Variants in VDAC2 observed in about 807,000 individuals in gnomAD.
VDAC2 encodes the protein voltage dependent anion channel 2.
Under a neutral mutation model 36.6 loss-of-function variants are expected in VDAC2, and 6 were observed. The ratio of observed to expected loss-of-function variants is 0.16; its 90% CI spans 0.09 to 0.32. VDAC2 has a LOEUF of 0.32. VDAC2 is among the 10% of genes least tolerant of loss of function. VDAC2 has a pLI of 1.00. For synonymous variants in VDAC2, 109 were observed against 123.8 expected (o/e 0.88, Z 0.79); for missense variants, 247 against 346.0 (o/e 0.71, Z 2.27).
rs370436204 is a variant in VDAC2 at position 75,222,280 on chromosome 10, A to G, written c.613A>G (p.Ile205Val). The G allele has an allele frequency of 2.1e-5, 34 of 1,613,894 alleles. No individual in the cohort carries two copies. Among genetic ancestry groups the G allele is most frequent in the African/African-American group, 9.3e-5 (7 of 74,922 alleles). ...TGATGGGACAGAATTTGGAGGATCAATTTATCAGAAAGTTTGTGAAGATCT... is the reference window on the plus strand; with the variant it reads ...TGATGGGACAGAATTTGGAGGATCAGTTTATCAGAAAGTTTGTGAAGATCT... Reference protein sequence around the residue: ...VNDGTEFGGSIYQKVCEDLDT... With the variant: ...VNDGTEFGGSVYQKVCEDLDT... Residue 205 changes from isoleucine (I) to valine (V), a missense_variant, in exon 8 of 10, where the codon ATT (isoleucine) becomes GTT (valine). By Grantham distance (29) the Ile-to-Val change is conservative. This residue lies in a region of VDAC2 where 159 missense variants were observed against 234.0 expected (regional missense o/e 0.68). Coordinates refer to ENST00000332211, the MANE Select transcript of VDAC2 (RefSeq NM_001391963.1).
intron 7 of VDAC2, among the ~76,000 whole-genome samples, chr10:75,221,669 T>C (rs1173507673): frequency 2.6e-5 from 4 of 152,192 alleles, no homozygotes; most frequent in Non-Finnish European, 5.9e-5. Flanking sequence ...AGATGGGGTC[T>C]TGCTATGTTG....
intron 8 of VDAC2, among the ~76,000 whole-genome samples, chr10:75,224,994 A>AT (rs972364211): frequency 1.2e-4 from 18 of 152,156 alleles, no homozygotes; most frequent in African/African-American, 3.9e-4. Context: ...AACGAAACTG[A>AT]TTTTTTTTGT....
At chr10:75,224,909 A>G (rs1841910758) in intron 8 of VDAC2, among the ~76,000 whole-genome samples, 1 of 152,232 alleles carries the variant, frequency 6.6e-6, no homozygotes, top group East Asian at 1.9e-4. Context: ...TAATCAAGAT[A>G]AAGGCTGACA....
At chr10:75,211,073 G>T (rs77230810) in intron 1 of VDAC2, 61 bp from the exon 2 acceptor site, 85,759 of 1,478,938 alleles carry the variant, frequency 0.058, 3,346 homozygotes, top group African/African-American at 0.18. Context: ...GCCCCTCTCT[G>T]CCCGGGATCT....
At chr10:75,224,720 G>A (rs1387640724) in intron 8 of VDAC2, among the ~76,000 whole-genome samples, 1 of 152,150 alleles carries the variant, frequency 6.6e-6, no homozygotes, top group African/African-American at 2.4e-5. Context: ...CCAAGCTCAG[G>A]TTTCATTTGG....
chr10:75,227,063 AC>A (rs1395656296), intron 8 of VDAC2, among the ~76,000 whole-genome samples: 1 of 152,114 alleles, frequency 6.6e-6, no homozygotes, highest in East Asian at 1.9e-4. Context: ...AGGGTGGGGC[AC>A]CCCAGCTCCA....
At position 75,231,312 on chromosome 10, in the gene VDAC2, G is replaced by GA. The variant is rs1276538539; in HGVS notation, c.*327dup. 2.0e-4 allele frequency: 38 copies of GA among 188,300 alleles called. No individual in the cohort carries two copies. Among genetic ancestry groups the GA allele is most frequent in the Non-Finnish European group, 3.4e-4 (31 of 90,088 alleles). 11.7% of individuals were successfully genotyped at this position (188,300 alleles called of 1,614,324 possible). A position where few individuals can be genotyped will look rare whatever the true frequency, so the allele number is the denominator to read the frequency against. ...GCATGTTTGTTTTTATGTTCCTTTAGAAAACATTGACTGTTACCATTGAAT... is the reference window on the plus strand; with the variant it reads ...GCATGTTTGTTTTTATGTTCCTTTAGAAAAACATTGACTGTTACCATTGAAT... On this transcript the variant is annotated 3_prime_UTR_variant, in exon 10 of 10. Transcript: ENST00000332211.
At chr10:75,217,705 G>A (rs943889497) in intron 4 of VDAC2, among the ~76,000 whole-genome samples, 1 of 152,158 alleles carries the variant, frequency 6.6e-6, no homozygotes, top group East Asian at 1.9e-4. Context: ...TATAGGTATT[G>A]AGGGCTATGC....
intron 8 of VDAC2, among the ~76,000 whole-genome samples, chr10:75,224,443 A>G (rs901982214): frequency 1.3e-5 from 2 of 152,118 alleles, no homozygotes; most frequent in African/African-American, 4.8e-5. Flanking sequence ...AAGAAAAAGG[A>G]TAAATGGATG....
At position 75,230,880 on chromosome 10, in the gene VDAC2, G is replaced by GT. The variant is rs758452374; in HGVS notation, c.794-11dup. The GT allele has an allele frequency of 3.9e-5, 62 of 1,606,314 alleles. No individual in the cohort carries two copies. Among genetic ancestry groups the GT allele is most frequent in the Non-Finnish European group, 4.6e-5 (54 of 1,176,482 alleles). On this transcript the variant is annotated splice_polypyrimidine_tract_variant and intron_variant, in intron 9 of 9. Transcript: ENST00000332211. Reference sequence around the variant, plus strand: ...GTACATCACGGTTTTTTGTTTTTGTGTTTTTTTGTCTTAATAGGTGTGAAG... The same window carrying GT: ...GTACATCACGGTTTTTTGTTTTTGTGTTTTTTTTGTCTTAATAGGTGTGAAG...
At chr10:75,218,227 C>T (rs1841666485) in intron 4 of VDAC2, 1 of 224,344 alleles carries the variant, frequency 4.5e-6, no homozygotes, top group Non-Finnish European at 9.2e-6. Flanking sequence ...GGGATTATGG[C>T]TCACTGCAGC....
chr10:75,225,169 TCTCA>T (rs1367114215), intron 8 of VDAC2, among the ~76,000 whole-genome samples: 2 of 152,172 alleles, frequency 1.3e-5, no homozygotes, highest in Non-Finnish European at 2.9e-5. Context: ...AGGAACTGGA[TCTCA>T]CTATCAGCTG....
At chr10:75,230,684 T>C (rs1470789068) in intron 9 of VDAC2, among the ~76,000 whole-genome samples, 1 of 152,220 alleles carries the variant, frequency 6.6e-6, no homozygotes, top group Non-Finnish European at 1.5e-5. Context: ...AAAACATTTC[T>C]CTGTGACTTG....
chr10:75,217,701 T>A (rs1841649468), intron 4 of VDAC2, among the ~76,000 whole-genome samples: 1 of 152,088 alleles, frequency 6.6e-6, no homozygotes, highest in Non-Finnish European at 1.5e-5. Flanking sequence ...TTAGTATAGG[T>A]ATTGAGGGCT....
intron 1 of VDAC2, 69 bp downstream of exon 1, chr10:75,211,007 C>G (rs1232803395): frequency 3.4e-6 from 3 of 879,984 alleles, no homozygotes; most frequent in East Asian, 3.2e-5. Flanking sequence ...AGGCCCGCGC[C>G]GGACTCGGAG....
At chr10:75,212,025 C>T (rs1352958926) in intron 2 of VDAC2, among the ~76,000 whole-genome samples, 8 of 152,232 alleles carry the variant, frequency 5.3e-5, no homozygotes, top group African/African-American at 1.9e-4. Context: ...TTTGTATAAT[C>T]ATGGTTATCT....
In VDAC2 at chr10:75,215,914, GT is replaced by G. The variant is rs1201020261; in HGVS notation, c.150+1848del. ...TTTTTGTATTTTTAGTAGAAACAGGGTTTTGCCATGTTGGCCAGTCTGGTCT... is the reference window on the plus strand; with the variant it reads ...TTTTTGTATTTTTAGTAGAAACAGGGTTTGCCATGTTGGCCAGTCTGGTCT... On this transcript the variant is annotated intron_variant, in intron 4 of 9. Coordinates refer to ENST00000332211, the MANE Select transcript of VDAC2 (RefSeq NM_001391963.1). Among the ~76,000 whole-genome samples, 10 of 151,822 alleles carry G rather than the reference GT, an allele frequency of 6.6e-5. No homozygotes were observed. In the East Asian group the frequency reaches 1.9e-3, roughly 29 times the overall value.
intron 8 of VDAC2, among the ~76,000 whole-genome samples, chr10:75,224,399 C>G (rs1282279305): frequency 6.6e-6 from 1 of 151,998 alleles, no homozygotes; most frequent in Non-Finnish European, 1.5e-5. Flanking sequence ...TAGAGTGGCT[C>G]TAGCTAGAGT....
intron 1 of VDAC2, 58 bp from the exon 2 acceptor site, chr10:75,211,076 C>G: frequency 6.7e-7 from 1 of 1,487,896 alleles, no homozygotes; most frequent in Non-Finnish European, 9.1e-7. Flanking sequence ...CCTCTCTGCC[C>G]GGGATCTCCC....
Sources: gnomAD v4.1 joint callset for allele counts (sites outside exome capture counted in the v4.1 genomes callset) on GRCh38, gnomAD v4.1.1 for gene constraint, gnomAD v4.1.1 regional missense constraint, MANE v1.5 for transcripts, NCBI Gene and HGNC (gene_info 2026-07-23, HGNC 2026-07-21) for gene names.